The following MYO18B variants were observed in gnomAD, a reference collection of about 807,000 sequenced individuals.
MYO18B encodes myosin XVIIIB, also known as unconventional myosin-XVIIIb.
MYO18B carries 204 observed loss-of-function variants against 273.0 expected under a neutral mutation model. That is an observed-to-expected ratio of 0.75 (90% CI 0.67 to 0.84). MYO18B has a LOEUF of 0.84. MYO18B is among the 40% of genes least tolerant of loss of function. The pLI is 0.00. For synonymous variants in MYO18B, 1,330 were observed against 1,305.7 expected, an observed-to-expected ratio of 1.02 and a Z score of -0.40; for missense variants, 3,212 against 3,287.6, an observed-to-expected ratio of 0.98 and a Z score of 0.56.
Position 25,794,623 on chromosome 22 carries a change from G to A in MYO18B, c.2377-3330G>A, listed in dbSNP as rs1601715385. ...AGGTTCACGCCATTCTCCTGCCTCAGCCTCCCGAGTAGCTGGGACTACAGG... is the reference window on the plus strand; with the variant it reads ...AGGTTCACGCCATTCTCCTGCCTCAACCTCCCGAGTAGCTGGGACTACAGG... On this transcript the variant is annotated intron_variant, in intron 11 of 43. Transcript: ENST00000335473. Among the ~76,000 whole-genome samples the A allele has an allele frequency of 3.3e-5, 5 of 152,188 alleles. No individual in the cohort carries two copies. In the South Asian group the frequency reaches 1.0e-3, roughly 32 times the overall value.
chr22:25,793,411 AT>A (rs541927275), intron 11 of MYO18B, among the ~76,000 whole-genome samples: 2 of 151,966 alleles, frequency 1.3e-5, no homozygotes, highest in Non-Finnish European at 2.9e-5. Context: ...ATTTTTATAT[AT>A]TTTTTATAGA....
intron 38 of MYO18B, among the ~76,000 whole-genome samples, chr22:25,952,732 A>AT (rs2092807034): frequency 6.6e-6 from 1 of 150,492 alleles, no homozygotes; most frequent in Non-Finnish European, 1.5e-5. Flanking sequence ...TTCCTCTATT[A>AT]TTTTTTCTTT....
At chr22:26,039,866 C>T in the MYO18B span, among the ~76,000 whole-genome samples, 1 of 152,070 alleles carries the variant, frequency 6.6e-6, no homozygotes, top group African/African-American at 2.4e-5. Flanking sequence ...ACTGTATTGC[C>T]CAGGCTGGAG....
chr22:25,868,562 T>A (rs1332962683), intron 22 of MYO18B, among the ~76,000 whole-genome samples, 177 bp downstream of exon 22: 1 of 152,184 alleles, frequency 6.6e-6, no homozygotes, highest in African/African-American at 2.4e-5. Context: ...AGAGACAATG[T>A]CATAATATGA....
Position 26,027,435 on chromosome 22 carries a change from G to C in MYO18B, c.7461G>C (p.Gly2487=). The change falls in exon 43 of 44, where the codon GGG becomes GGC. Residue 2487 remains glycine (G), a synonymous_variant. Transcript: ENST00000335473. The surrounding 1 kb of genome is among the most constrained non-coding windows in gnomAD (Gnocchi z 4.1). ...AGGCTAACCGTTCCTTTCTCTCGGG[G>C]ATCAAGACCATTTTGAAGAAGAGCC... ...TEEANRSFLS[G]IKTILKKSPE... 1.9e-6 allele frequency: 3 copies of C among 1,613,946 alleles called. No homozygotes were observed. The East Asian group carries it at 6.7e-5, about 36-fold the overall frequency.
chr22:25,990,686 C>CAA lies in MYO18B; in HGVS notation c.6157-1644_6157-1643dup, dbSNP rs745998234. Among the ~76,000 whole-genome samples, 228 of 27,036 alleles carry CAA rather than the reference C, an allele frequency of 8.4e-3. 33 individuals are homozygous for CAA. Among genetic ancestry groups the CAA allele is most frequent in the East Asian group, 0.038 (16 of 420 alleles). 17.7% of individuals were successfully genotyped at this position (27,036 alleles called of 152,430 possible). A position where few individuals can be genotyped will look rare whatever the true frequency, so the allele number is the denominator to read the frequency against. ...TGTGCAACAGAGCAAGACTTTGTCT[C>CAA]AAAAAAAAAAAAAAAAAAAAAAAAA... On this transcript the variant is annotated intron_variant, in intron 39 of 43. Transcript: ENST00000335473.
At chr22:25,874,153 C>T in intron 22 of MYO18B, 133 bp from the exon 23 acceptor site, 1 of 1,056,938 alleles carries the variant, frequency 9.5e-7, no homozygotes, top group Non-Finnish European at 1.4e-6. Flanking sequence ...TCCCCCACCT[C>T]CCACTTAAAG....
At chr22:25,848,875 T>A (rs910447965) in intron 20 of MYO18B, among the ~76,000 whole-genome samples, 2 of 152,172 alleles carry the variant, frequency 1.3e-5, no homozygotes, top group African/African-American at 4.8e-5. Flanking sequence ...GTCTCCGTGG[T>A]CACTAGTGCC....
Position 25,772,263 on chromosome 22 carries a change from G to C in MYO18B, c.1693-71G>C. The C allele has an allele frequency of 2.7e-6, 4 of 1,481,600 alleles. No individual in the cohort carries two copies. The Admixed American group carries it at 7.3e-5, about 27-fold the overall frequency. 91.8% of individuals were successfully genotyped at this position (1,481,600 alleles called of 1,614,324 possible). A position where few individuals can be genotyped will look rare whatever the true frequency, so the allele number is the denominator to read the frequency against. The stretch of plus-strand genomic sequence containing the variant: ...AGGGCTTAGTGTGTGTTTGGTTGCG[G>C]GGGGGTGGGGTGGGGGCAGGGGGCC... On this transcript the variant is annotated intron_variant, in intron 6 of 43. Coordinates refer to ENST00000335473, the MANE Select transcript of MYO18B (RefSeq NM_032608.7).
intron 20 of MYO18B, 42 bp from the exon 21 acceptor site, chr22:25,851,428 C>A (rs747294340): frequency 1.4e-6 from 2 of 1,387,750 alleles, no homozygotes; most frequent in Non-Finnish European, 2.0e-6. Flanking sequence ...GTCTTCTCAT[C>A]TGGACTCTGT....
chr22:25,827,375 A>G (rs1056835259), intron 14 of MYO18B, among the ~76,000 whole-genome samples: 1 of 152,138 alleles, frequency 6.6e-6, no homozygotes, highest in South Asian at 2.1e-4. Context: ...CATGGTAGAA[A>G]TTTGGAGTGG....
At chr22:25,880,722 A>G (rs1296304303) in intron 25 of MYO18B, among the ~76,000 whole-genome samples, 1 of 152,252 alleles carries the variant, frequency 6.6e-6, no homozygotes, top group South Asian at 2.1e-4. Context: ...CGATAGAGGG[A>G]GACAGACCAC....
At chr22:25,969,284 TTTCTTC>T (rs887646864) in intron 39 of MYO18B, among the ~76,000 whole-genome samples, 1 of 152,238 alleles carries the variant, frequency 6.6e-6, no homozygotes, top group Admixed American at 6.5e-5. Context: ...ACCACGTTTT[TTTCTTC>T]TTTTAAGTAG....
At position 26,030,996 on chromosome 22, in the gene MYO18B, G is replaced by A. The variant is rs1010406672; in HGVS notation, c.*566G>A. On this transcript the variant is annotated 3_prime_UTR_variant, in exon 44 of 44. Coordinates refer to ENST00000335473, the MANE Select transcript of MYO18B (RefSeq NM_032608.7). The stretch of plus-strand genomic sequence containing the variant: ...AGCATTCAAGAAACTGATGAATGAT[G>A]AATGAATGAATGAGCCAAAGAACAA... The A allele has an allele frequency of 4.3e-5, 17 of 397,682 alleles. No individual in the cohort carries two copies. In the Admixed American group the frequency reaches 6.6e-4, roughly 15 times the overall value. The allele number at this position is 397,682 out of a possible 1,614,324, so 24.6% of individuals were successfully genotyped here.
At chr22:25,894,309 AATGG>A (rs1341680900) in intron 27 of MYO18B, among the ~76,000 whole-genome samples, 1 of 152,130 alleles carries the variant, frequency 6.6e-6, no homozygotes, top group African/African-American at 2.4e-5. Context: ...TGAGTGTGTG[AATGG>A]ATGGATGGAA....
rs541626943 is a variant in MYO18B, at chr22:25,804,591, C to CTG, written c.2521+6507_2521+6508dup. Among the ~76,000 whole-genome samples the CTG allele has an allele frequency of 6.7e-3, 1,016 of 152,068 alleles. 14 individuals carry two copies. The highest frequency in any genetic ancestry group is 0.023 in the African/African-American group (957 of 41,472). On this transcript the variant is annotated intron_variant, in intron 12 of 43. Coordinates refer to ENST00000335473, the MANE Select transcript of MYO18B (RefSeq NM_032608.7). ...ACATTAGCATAGTTGAGGTTTTCTTCTGTGTGTGTGTGTGAGAGAGCACTC... is the reference window on the plus strand; with the variant it reads ...ACATTAGCATAGTTGAGGTTTTCTTCTGTGTGTGTGTGTGTGAGAGAGCACTC...
At chr22:25,878,129 G>A in intron 25 of MYO18B, 81 bp downstream of exon 25, 4 of 1,112,330 alleles carry the variant, frequency 3.6e-6, no homozygotes, top group East Asian at 2.7e-5. Flanking sequence ...ACAATGATAT[G>A]CCTGAAAGCA....
chr22:25,854,274 C>A (rs560605052), intron 21 of MYO18B, among the ~76,000 whole-genome samples: 23 of 152,246 alleles, frequency 1.5e-4, no homozygotes, highest in African/African-American at 5.3e-4. Context: ...TAGCATATGT[C>A]TTTTATCACA....
intron 42 of MYO18B, among the ~76,000 whole-genome samples, chr22:26,016,929 T>G (rs957824916): frequency 6.6e-6 from 1 of 152,202 alleles, no homozygotes; most frequent in Non-Finnish European, 1.5e-5. Flanking sequence ...TTGTGTGTTT[T>G]TTCTTTAAAT....
Sources: allele counts gnomAD v4.1 joint callset (sites outside exome capture counted in the v4.1 genomes callset), GRCh38; gene constraint gnomAD v4.1.1; non-coding constraint Gnocchi (gnomAD v3.1); transcripts MANE v1.5; gene names NCBI Gene and HGNC (gene_info 2026-07-23, HGNC 2026-07-21).